The following LDB2 variants were observed in gnomAD, a reference collection of about 807,000 sequenced individuals.
LDB2 encodes LIM domain binding 2.
Under a neutral mutation model 44.3 loss-of-function variants are expected in LDB2, and 12 were observed. That is an observed-to-expected ratio of 0.27 (90% CI 0.17 to 0.44). The LOEUF (loss-of-function observed/expected upper bound fraction) is 0.44, where lower values mean the gene tolerates loss of function less well. Among genes scored for constraint, LDB2 ranks in the 20% least tolerant of loss-of-function variants. The pLI, the probability that LDB2 is intolerant of heterozygous loss-of-function variation, is 1.00. For synonymous variants in LDB2, 164 were observed against 174.8 expected (o/e 0.94, Z 0.49); for missense variants, 344 against 473.5 (o/e 0.73, Z 2.54).
chr4:16,759,410 G>A, intron 1 of LDB2, 150 bp from the exon 2 acceptor site: 2 of 595,986 alleles, frequency 3.4e-6, no homozygotes, highest in Non-Finnish European at 6.0e-6. Context: ...TAGGTGGGCG[G>A]TCACTCTTCA....
At chr4:16,591,096 A>G (rs1718769240) in intron 3 of LDB2, among the ~76,000 whole-genome samples, 1 of 152,166 alleles carries the variant, frequency 6.6e-6, no homozygotes, top group African/African-American at 2.4e-5. Flanking sequence ...AATCCTTTTT[A>G]AAGGGGGAGA....
chr4:16,749,672 G>A (rs1376438772), intron 2 of LDB2, among the ~76,000 whole-genome samples: 2 of 151,500 alleles, frequency 1.3e-5, no homozygotes, highest in African/African-American at 2.4e-5. Flanking sequence ...AAAACAGGCT[G>A]CAGTCACTTG....
chr4:16,502,481 GA>G lies in LDB2; in HGVS notation c.*161del. ...TTACTGGGAATAATCCTCTCAATTA[GA>G]AAAAAAGAAAGAAGAAAGAAAATCA... On this transcript the variant is annotated 3_prime_UTR_variant, in exon 8 of 8. Transcript: ENST00000304523. 1.9e-6 allele frequency: 2 copies of G among 1,068,454 alleles called. No homozygotes were observed. The highest frequency in any genetic ancestry group is 2.7e-6 in the Non-Finnish European group (2 of 740,320). 66.2% of individuals were successfully genotyped at this position (1,068,454 alleles called of 1,614,324 possible).
chr4:16,598,493 G>A (rs146542680), intron 2 of LDB2, among the ~76,000 whole-genome samples: 110 of 152,272 alleles, frequency 7.2e-4, no homozygotes, highest in African/African-American at 2.5e-3. Context: ...CTGGTGTCAC[G>A]TGGAGCAGAG....
At chr4:16,698,658 A>G (rs1752739620) in intron 2 of LDB2, among the ~76,000 whole-genome samples, 1 of 152,056 alleles carries the variant, frequency 6.6e-6, no homozygotes, top group Non-Finnish European at 1.5e-5. Flanking sequence ...AATTTGTTTT[A>G]TAATTCACAT....
chr4:16,733,083 A>G (rs1761095773), intron 2 of LDB2, among the ~76,000 whole-genome samples: 1 of 152,214 alleles, frequency 6.6e-6, no homozygotes. Flanking sequence ...AAAGCTGTGA[A>G]GTAGAACAAG....
chr4:16,534,816 G>A (rs1261035141), intron 5 of LDB2, among the ~76,000 whole-genome samples: 1 of 152,074 alleles, frequency 6.6e-6, no homozygotes, highest in Non-Finnish European at 1.5e-5. Flanking sequence ...CTATCTGGAC[G>A]CTACACTTTT....
chr4:16,854,016 A>G (rs1788824319), intron 1 of LDB2, among the ~76,000 whole-genome samples: 2 of 152,090 alleles, frequency 1.3e-5, no homozygotes, highest in African/African-American at 4.8e-5. Flanking sequence ...AGGTAGATTG[A>G]AGAATGTAAA....
intron 2 of LDB2, among the ~76,000 whole-genome samples, chr4:16,701,713 G>A (rs1381941094): frequency 1.3e-5 from 2 of 152,206 alleles, no homozygotes; most frequent in East Asian, 1.9e-4. Context: ...CTAGGTGCAC[G>A]GCTTGTGGCG....
chr4:16,886,066 T>A (rs886140833), intron 1 of LDB2, among the ~76,000 whole-genome samples: 12 of 151,824 alleles, frequency 7.9e-5, no homozygotes, highest in African/African-American at 1.2e-4. Context: ...TTTTTTTTTT[T>A]AAATTAGTCT....
chr4:16,866,838 A>G (rs1197396641), intron 1 of LDB2, among the ~76,000 whole-genome samples: 1 of 152,212 alleles, frequency 6.6e-6, no homozygotes, highest in East Asian at 1.9e-4. Flanking sequence ...TTTGCAGAGT[A>G]TGGCAAATTG....
chr4:16,565,650 AAAAG>A lies in LDB2; in HGVS notation c.615+20268_615+20271del, dbSNP rs1217231433. Among the ~76,000 whole-genome samples the A allele has an allele frequency of 3.9e-5, 6 of 152,124 alleles. No homozygotes were observed. The East Asian group carries it at 9.6e-4, about 24-fold the overall frequency. On this transcript the variant is annotated intron_variant, in intron 5 of 7. Coordinates refer to ENST00000304523, the MANE Select transcript of LDB2 (RefSeq NM_001290.5). ...ATGGTACTAGCCAATATAATTAGAC[AAAAG>A]AAAGAAATAAGATATAAAAATTTTA...
intron 6 of LDB2, among the ~76,000 whole-genome samples, chr4:16,510,157 T>C (rs946744415): frequency 2.0e-5 from 3 of 152,144 alleles, no homozygotes; most frequent in Non-Finnish European, 2.9e-5. Context: ...AAAAAACACC[T>C]ATGCCACTTC....
intron 2 of LDB2, among the ~76,000 whole-genome samples, chr4:16,736,012 G>A (rs1245992757): frequency 6.6e-6 from 1 of 152,158 alleles, no homozygotes; most frequent in Non-Finnish European, 1.5e-5. Context: ...TGGACCTATA[G>A]ATGCCACAGT....
At chr4:16,749,623 G>A (rs1161097750) in intron 2 of LDB2, among the ~76,000 whole-genome samples, 1 of 148,722 alleles carries the variant, frequency 6.7e-6, no homozygotes, top group Admixed American at 6.7e-5. Context: ...TCAAGTCCTT[G>A]TTCTTTTGTG....
chr4:16,700,111 A>G (rs939999686), intron 2 of LDB2, among the ~76,000 whole-genome samples: 3 of 152,188 alleles, frequency 2.0e-5, no homozygotes, highest in East Asian at 3.9e-4. Context: ...AGAATGCTCC[A>G]ATGAACATTT....
At chr4:16,562,818 A>G (rs1485337402) in intron 5 of LDB2, among the ~76,000 whole-genome samples, 7 of 152,320 alleles carry the variant, frequency 4.6e-5, no homozygotes, top group African/African-American at 1.2e-4. Context: ...AACCAACCCA[A>G]ATGTCCAACA....
At chr4:16,541,708 A>G (rs1256699563) in intron 5 of LDB2, among the ~76,000 whole-genome samples, 1 of 152,152 alleles carries the variant, frequency 6.6e-6, no homozygotes, top group African/African-American at 2.4e-5. Flanking sequence ...AATAGAACCA[A>G]TGCAAGAGAA....
intron 6 of LDB2, among the ~76,000 whole-genome samples, chr4:16,510,033 T>C (rs1267619487): frequency 6.6e-6 from 1 of 152,110 alleles, no homozygotes; most frequent in East Asian, 1.9e-4. Flanking sequence ...GAGAATCACC[T>C]GAGCCCGGAA....
Sources: allele counts gnomAD v4.1 joint callset (sites outside exome capture counted in the v4.1 genomes callset), GRCh38; gene constraint gnomAD v4.1.1; transcripts MANE v1.5; gene names NCBI Gene and HGNC (gene_info 2026-07-23, HGNC 2026-07-21).